The following RSPH14 variants were observed in gnomAD, a reference collection of about 807,000 sequenced individuals.
The protein encoded by RSPH14 is radial spoke head 14 homolog, also known as rhabdoid tumor deletion region gene 1.
A neutral mutation model predicts 26.7 loss-of-function variants in RSPH14; 20 were observed. That is an observed-to-expected ratio of 0.75 (90% CI 0.53 to 1.09). RSPH14 has a LOEUF of 1.09. Ranked by LOEUF, RSPH14 falls within the 50% of genes least tolerant of loss-of-function variation. The pLI is 0.00. For synonymous variants in RSPH14, 177 were observed against 189.3 expected, an observed-to-expected ratio of 0.93 and a Z score of 0.53; for missense variants, 449 against 457.2, an observed-to-expected ratio of 0.98 and a Z score of 0.16.
intron 4 of RSPH14, among the ~76,000 whole-genome samples, chr22:23,084,401 G>C (rs2068761042): frequency 6.6e-6 from 1 of 152,150 alleles, no homozygotes; most frequent in African/African-American, 2.4e-5. Flanking sequence ...CACATTTAAG[G>C]TAGGCTAGGC....
intron 4 of RSPH14, among the ~76,000 whole-genome samples, chr22:23,087,428 A>C (rs2068849959): frequency 1.3e-5 from 2 of 152,168 alleles, no homozygotes; most frequent in South Asian, 4.1e-4. Flanking sequence ...GGTGCACTGC[A>C]GCTGGGTGAC....
At chr22:23,063,575 G>A (rs2068135585) in intron 5 of RSPH14, among the ~76,000 whole-genome samples, 1 of 152,176 alleles carries the variant, frequency 6.6e-6, no homozygotes, top group Non-Finnish European at 1.5e-5. Context: ...ACAACGCCTG[G>A]CACACAGGAG....
chr22:23,091,628 G>A (rs1454163588), intron 4 of RSPH14, among the ~76,000 whole-genome samples: 2 of 151,296 alleles, frequency 1.3e-5, no homozygotes, highest in Non-Finnish European at 2.9e-5. Flanking sequence ...GCACCGCAAT[G>A]GACCTGCATA....
chr22:23,180,099 C>G, the RSPH14 span: 10 of 290,322 alleles, frequency 3.4e-5, no homozygotes, highest in South Asian at 5.1e-5. Context: ...CGAGTTCTGC[C>G]AGAGAGAGCA....
In RSPH14 at chr22:23,140,348, G is replaced by A; in HGVS notation, c.73C>T (p.His25Tyr). ...TCCTTCAGCTTGGGCAGGGCCCGAT[G>A]GCCATAGGCAGTGGTAATCTGGGTG... The part of the protein sequence containing the change: ...NATQITTAYG[H>Y]RALPKLKEEL... The change falls in exon 2 of 7, where the codon CAT becomes TAT. Residue 25 changes from histidine (H) to tyrosine (Y), a missense_variant. Coordinates refer to ENST00000216036, the MANE Select transcript of RSPH14 (RefSeq NM_014433.3). 6.2e-7 allele frequency: 1 copy of A among 1,614,212 alleles called. No individual in the cohort carries two copies. Among genetic ancestry groups the A allele is most frequent in the Non-Finnish European group, 8.5e-7 (1 of 1,180,044 alleles).
chr22:23,175,612 A>G, the RSPH14 span, among the ~76,000 whole-genome samples: 1 of 152,232 alleles, frequency 6.6e-6, no homozygotes, highest in Non-Finnish European at 1.5e-5. Flanking sequence ...TGAGCCATAG[A>G]TAGGCGTTTT....
chr22:23,174,390 C>T, the RSPH14 span, among the ~76,000 whole-genome samples: 22 of 151,778 alleles, frequency 1.4e-4, no homozygotes, highest in Non-Finnish European at 2.4e-4. Context: ...GGTCACAGAG[C>T]GAGACCCCCA....
At chr22:23,170,426 G>A in the RSPH14 span, among the ~76,000 whole-genome samples, 1 of 152,192 alleles carries the variant, frequency 6.6e-6, no homozygotes, top group Admixed American at 6.5e-5. Flanking sequence ...AAAAGAATTT[G>A]AGAGCGCTCT....
At chr22:23,159,068 G>C in the RSPH14 span, 9 of 1,586,594 alleles carry the variant, frequency 5.7e-6, no homozygotes, top group Non-Finnish European at 7.8e-6. Context: ...GGGAGGGAGG[G>C]AGGCAGCACA....
intron 4 of RSPH14, among the ~76,000 whole-genome samples, chr22:23,101,936 C>A (rs1323748555): frequency 6.6e-6 from 1 of 152,238 alleles, no homozygotes; most frequent in Non-Finnish European, 1.5e-5. Context: ...TATCCCCAGC[C>A]CGCATCCCTC....
At chr22:23,121,815 G>A (rs1166105837) in intron 4 of RSPH14, among the ~76,000 whole-genome samples, 3 of 150,192 alleles carry the variant, frequency 2.0e-5, no homozygotes, top group Admixed American at 1.3e-4. Flanking sequence ...TCCACCTCCC[G>A]GGTTCAAGTG....
At chr22:23,118,129 T>C (rs988439391) in intron 4 of RSPH14, among the ~76,000 whole-genome samples, 3 of 152,296 alleles carry the variant, frequency 2.0e-5, no homozygotes, top group South Asian at 2.1e-4. Flanking sequence ...GCAAGTCTAT[T>C]TGGACCTGTC....
At chr22:23,159,160 C>A in the RSPH14 span, 1 of 1,610,984 alleles carries the variant, frequency 6.2e-7, no homozygotes, top group East Asian at 2.2e-5. Flanking sequence ...CCATTTCTCC[C>A]AGTCAGGGGC....
the RSPH14 span, chr22:23,163,773 A>G: frequency 6.6e-6 from 1 of 152,116 alleles, no homozygotes; most frequent in Non-Finnish European, 1.5e-5. Flanking sequence ...GCTAGTGTTG[A>G]TGGCTTGTTT....
At chr22:23,156,351 C>T in the RSPH14 span, 1 of 262,906 alleles carries the variant, frequency 3.8e-6, no homozygotes, top group Non-Finnish European at 7.5e-6. Flanking sequence ...GCACTGGACT[C>T]CAGGGGGAGG....
chr22:23,094,272 C>T (rs1222605416), intron 4 of RSPH14, among the ~76,000 whole-genome samples: 1 of 152,146 alleles, frequency 6.6e-6, no homozygotes, highest in East Asian at 1.9e-4. Context: ...CCTGGGCTCA[C>T]AGCCGGGGAA....
chr22:23,173,281 C>A, the RSPH14 span, among the ~76,000 whole-genome samples: 1 of 152,030 alleles, frequency 6.6e-6, no homozygotes, highest in Non-Finnish European at 1.5e-5. Flanking sequence ...ACTACAGGTG[C>A]CTGCCACCAT....
rs1241351027 is a variant in RSPH14, at chr22:23,061,940, G to T, written c.659C>A (p.Ser220Tyr). The T allele has an allele frequency of 1.2e-6, 2 of 1,614,078 alleles. No individual in the cohort carries two copies. Among genetic ancestry groups the T allele is most frequent in the Admixed American group, 3.3e-5 (2 of 60,026 alleles). ...AARALLNVSI[S>Y]REGKKQVCHF... is the part of the protein sequence containing the mutation. ...ACACACCTGTTTCTTGCCCTCTCGA[G>T]ATATGCTGGGGCAGAGAGGGAACAG... The change falls in exon 6 of 7, where the codon TCT becomes TAT. Residue 220 changes from serine (S) to tyrosine (Y), a missense_variant. Transcript: ENST00000216036.
chr22:23,128,917 G>A (rs947029215), intron 4 of RSPH14, among the ~76,000 whole-genome samples: 6 of 152,162 alleles, frequency 3.9e-5, no homozygotes, highest in Admixed American at 6.5e-5. Flanking sequence ...TGGTGAAAAC[G>A]GCCTTCCAGT....
Sources: allele counts gnomAD v4.1 joint callset (sites outside exome capture counted in the v4.1 genomes callset), GRCh38; gene constraint gnomAD v4.1.1; transcripts MANE v1.5; gene names NCBI Gene and HGNC (gene_info 2026-07-23, HGNC 2026-07-21).